PDZRN4: variants seen among roughly 807,000 people sequenced by gnomAD.
PDZRN4 encodes PDZ domain-containing RING finger protein 4.
In PDZRN4, 70 loss-of-function variants were observed where a neutral mutation model predicts 99.0. That is an observed-to-expected ratio of 0.71 (90% CI 0.58 to 0.86). The LOEUF (loss-of-function observed/expected upper bound fraction) is 0.86. Among genes scored for constraint, PDZRN4 ranks in the 40% least tolerant of loss-of-function variants. The pLI, the probability that PDZRN4 is intolerant of heterozygous loss-of-function variation, is 0.00. For missense variants in PDZRN4, 1,474 were observed against 1,331.2 expected (o/e 1.11, Z -1.67); for synonymous variants, 551 against 501.6 (o/e 1.10, Z -1.32).
intron 3 of PDZRN4, among the ~76,000 whole-genome samples, chr12:41,471,731 A>G (rs897885873): frequency 6.6e-6 from 1 of 150,966 alleles, no homozygotes; most frequent in Non-Finnish European, 1.5e-5. Flanking sequence ...CATTATAATA[A>G]TTATTAGGGT....
rs137871872 is a variant in PDZRN4, at chr12:41,269,639, C to T, written c.843+75451C>T. ...GGCATAAAGACATGGCCAGGCCTGG[C>T]GTCAGTTTCTCCATGTTTCTAACAC... is the stretch of plus-strand genomic sequence containing the variant. On this transcript the variant is annotated intron_variant, in intron 3 of 9. Transcript: ENST00000402685. Among the ~76,000 whole-genome samples the T allele has an allele frequency of 1.0e-3, 152 of 152,294 alleles. 1 individual carries two copies. Among genetic ancestry groups the T allele is most frequent in the Admixed American group, 1.8e-3 (28 of 15,292 alleles).
intron 3 of PDZRN4, among the ~76,000 whole-genome samples, chr12:41,208,854 C>CT (rs964804024): frequency 1.3e-5 from 2 of 151,202 alleles, no homozygotes; most frequent in African/African-American, 2.4e-5. Context: ...CTTTTCTTTC[C>CT]TTTTTTTAAA....
intron 3 of PDZRN4, chr12:41,409,321 G>A (rs1422717669): frequency 6.6e-6 from 1 of 151,826 alleles, no homozygotes; most frequent in African/African-American, 2.4e-5. Flanking sequence ...CAGATCCCCA[G>A]GCACTCTGGT....
chr12:41,208,807 TA>T (rs1213394140), intron 3 of PDZRN4, among the ~76,000 whole-genome samples: 1 of 151,974 alleles, frequency 6.6e-6, no homozygotes, highest in African/African-American at 2.4e-5. Context: ...TTGTTAATTT[TA>T]ATGAACATTT....
chr12:41,426,984 AC>A (rs1203742643), intron 3 of PDZRN4, among the ~76,000 whole-genome samples: 2 of 152,040 alleles, frequency 1.3e-5, no homozygotes, highest in Non-Finnish European at 2.9e-5. Context: ...TCCTACACAC[AC>A]CCCTAGTTAA....
At chr12:41,518,719 T>C (rs146962479) in intron 5 of PDZRN4, among the ~76,000 whole-genome samples, 2 of 152,034 alleles carry the variant, frequency 1.3e-5, no homozygotes, top group Non-Finnish European at 2.9e-5. Flanking sequence ...AAGCACATTT[T>C]AAAAGGAGCA....
In PDZRN4 at chr12:41,452,753, G is replaced by A. The variant is rs77868903; in HGVS notation, c.844-53703G>A. Among the ~76,000 whole-genome samples the A allele has an allele frequency of 8.9e-3, 1,357 of 152,260 alleles. 13 individuals are homozygous for A. The highest frequency in any genetic ancestry group is 0.014 in the Non-Finnish European group (974 of 68,012). ...GTAAGTCCAAATGAAGTAATAGTAT[G>A]TAACTAATTGTGAACCTGAATATCC... is the stretch of plus-strand genomic sequence containing the variant. On this transcript the variant is annotated intron_variant, in intron 3 of 9. Coordinates refer to ENST00000402685, the MANE Select transcript of PDZRN4 (RefSeq NM_001164595.2).
chr12:41,468,836 TG>T (rs1952956510), intron 3 of PDZRN4, among the ~76,000 whole-genome samples: 1 of 152,192 alleles, frequency 6.6e-6, no homozygotes, highest in African/African-American at 2.4e-5. Context: ...TTTTGTTTTT[TG>T]TCTTTAATTT....
At chr12:41,216,602 C>A (rs765015226) in intron 3 of PDZRN4, among the ~76,000 whole-genome samples, 1 of 151,998 alleles carries the variant, frequency 6.6e-6, no homozygotes, top group African/African-American at 2.4e-5. Flanking sequence ...TGAAAGCCTG[C>A]ATATTCTAAA....
chr12:41,319,749 G>C (rs951706812), intron 3 of PDZRN4, among the ~76,000 whole-genome samples: 1 of 152,094 alleles, frequency 6.6e-6, no homozygotes, highest in Non-Finnish European at 1.5e-5. Context: ...ATTATTAAAC[G>C]TTCCTAGAGG....
Position 41,203,226 on chromosome 12 carries a change from C to A in PDZRN4, c.843+9038C>A, listed in dbSNP as rs1479407637. ...AGTTGTATATTAATTAAACAAGCAA[C>A]AACAAAACAAAACAACAACAACAAA... is the stretch of plus-strand genomic sequence containing the variant. On this transcript the variant is annotated intron_variant, in intron 3 of 9. Coordinates refer to ENST00000402685, the MANE Select transcript of PDZRN4 (RefSeq NM_001164595.2). Among the ~76,000 whole-genome samples, 5 of 151,714 alleles carry A rather than the reference C, an allele frequency of 3.3e-5. No individual in the cohort carries two copies. The East Asian group carries it at 9.7e-4, about 29-fold the overall frequency.
At chr12:41,516,070 C>T (rs1384967272) in intron 5 of PDZRN4, among the ~76,000 whole-genome samples, 1 of 151,978 alleles carries the variant, frequency 6.6e-6, no homozygotes. Flanking sequence ...TTCTGACAAT[C>T]TCTGCTATCA....
At chr12:41,556,490 A>T (rs746655765) in intron 7 of PDZRN4, among the ~76,000 whole-genome samples, 6 of 152,348 alleles carry the variant, frequency 3.9e-5, no homozygotes, top group Non-Finnish European at 7.3e-5. Context: ...TTGTGACACA[A>T]TGGTAAGTCT....
Position 41,194,090 on chromosome 12 carries a change from G to A in PDZRN4, c.745G>A (p.Glu249Lys), listed in dbSNP as rs759927473. 2 of 1,461,874 alleles carry A rather than the reference G, an allele frequency of 1.4e-6. No individual in the cohort carries two copies. The highest frequency in any genetic ancestry group is 1.1e-5 in the South Asian group (1 of 88,092). The allele number at this position is 1,461,874 out of a possible 1,614,324, so 90.6% of individuals were successfully genotyped here. The change falls in exon 3 of 10, where the codon GAA becomes AAA. Residue 249 changes from glutamate to lysine, a missense_variant. Glu to Lys is a moderately conservative substitution (Grantham distance 56). Transcript: ENST00000402685. ...GATTTTTTAAAAATAGAATAATCAG[G>A]AAGGAACATCGACTGAAGGAATTTA... is the stretch of plus-strand genomic sequence containing the variant. ...IGGRPNQNNQ[E>K]GTSTEGIYVS...
chr12:41,436,068 A>T (rs942011593), intron 3 of PDZRN4, among the ~76,000 whole-genome samples: 4 of 152,196 alleles, frequency 2.6e-5, no homozygotes, highest in African/African-American at 4.8e-5. Flanking sequence ...GCCACTTCAA[A>T]TACCTTTTTG....
intron 3 of PDZRN4, among the ~76,000 whole-genome samples, chr12:41,309,110 T>C (rs1017626657): frequency 6.6e-6 from 1 of 152,112 alleles, no homozygotes; most frequent in African/African-American, 2.4e-5. Context: ...GAAGAAAATA[T>C]AGGATCTGAT....
intron 3 of PDZRN4, among the ~76,000 whole-genome samples, chr12:41,500,894 ATGTTACTAGAT>A (rs878865608): frequency 2.0e-5 from 3 of 152,116 alleles, no homozygotes; most frequent in African/African-American, 7.2e-5. Context: ...CTTCTGTAAA[ATGTTACTAGAT>A]TGTGCTTTGG....
intron 3 of PDZRN4, among the ~76,000 whole-genome samples, chr12:41,305,481 T>C (rs1320122983): frequency 6.6e-6 from 1 of 152,070 alleles, no homozygotes; most frequent in Admixed American, 6.6e-5. Context: ...ATGCTGGAGG[T>C]AGGGAAATCC....
At chr12:41,274,107 A>G (rs1012191424) in intron 3 of PDZRN4, among the ~76,000 whole-genome samples, 2 of 152,064 alleles carry the variant, frequency 1.3e-5, no homozygotes, top group African/African-American at 4.8e-5. Context: ...TTGTACTGGG[A>G]TAACTACCTC....
Sources: allele counts gnomAD v4.1 joint callset (sites outside exome capture counted in the v4.1 genomes callset), GRCh38; gene constraint gnomAD v4.1.1; transcripts MANE v1.5; gene names NCBI Gene and HGNC (gene_info 2026-07-23, HGNC 2026-07-21).